Variants in CHLSN observed in about 807,000 individuals in gnomAD.
The protein encoded by CHLSN is protein cholesin.
the CHLSN span, among the ~76,000 whole-genome samples, chr7:979,312 G>C: frequency 6.6e-6 from 1 of 152,148 alleles, no homozygotes; most frequent in African/African-American, 2.4e-5. Flanking sequence ...ACCTGCTCAG[G>C]GGGTACCTTA....
chr7:1,137,731 C>T, the CHLSN span: 3 of 152,114 alleles, frequency 2.0e-5, no homozygotes, highest in Non-Finnish European at 4.4e-5. Flanking sequence ...CGGCTTGAGC[C>T]CAGGAGGTGG....
chr7:1,122,272 G>A, the CHLSN span, among the ~76,000 whole-genome samples: 298 of 152,334 alleles, frequency 2.0e-3, 1 homozygote, highest in African/African-American at 6.4e-3. Flanking sequence ...GGATTCTTAC[G>A]AGGCAGAGGA....
chr7:1,027,133 T>C, the CHLSN span: 1 of 152,234 alleles, frequency 6.6e-6, no homozygotes, highest in African/African-American at 2.4e-5. Flanking sequence ...TATCATCATG[T>C]CAATTTTGTT....
chr7:1,074,663 C>G, the CHLSN span: 3 of 152,300 alleles, frequency 2.0e-5, no homozygotes, highest in Admixed American at 6.5e-5. Flanking sequence ...CTGCAAATCC[C>G]TAAGGCGTCT....
chr7:985,386 A>C, the CHLSN span: 3 of 1,516,986 alleles, frequency 2.0e-6, no homozygotes, highest in East Asian at 4.9e-5. Context: ...GTGCAGCAGG[A>C]GGACGGGGGC....
chr7:1,041,046 G>A, the CHLSN span, among the ~76,000 whole-genome samples: 1 of 152,262 alleles, frequency 6.6e-6, no homozygotes, highest in East Asian at 1.9e-4. Flanking sequence ...CACGTTCCCT[G>A]TGGGAACAGC....
the CHLSN span, among the ~76,000 whole-genome samples, chr7:1,017,738 G>T: frequency 6.6e-6 from 1 of 152,222 alleles, no homozygotes; most frequent in African/African-American, 2.4e-5. Context: ...CGGGATAAGG[G>T]GCAGCCGCGG....
At chr7:1,118,799 C>CAAAAA in the CHLSN span, among the ~76,000 whole-genome samples, 336 of 76,154 alleles carry the variant, frequency 4.4e-3, no homozygotes, top group Non-Finnish European at 5.3e-3. Flanking sequence ...CCATCTCTAC[C>CAAAAA]AAAAAAAAAA....
the CHLSN span, among the ~76,000 whole-genome samples, chr7:998,786 T>A: frequency 1.3e-5 from 2 of 152,200 alleles, no homozygotes; most frequent in Non-Finnish European, 2.9e-5. Flanking sequence ...TCTCGACTTT[T>A]TCCTTTGTCG....
chr7:1,138,226 G>C, the CHLSN span: 1 of 152,370 alleles, frequency 6.6e-6, no homozygotes, highest in South Asian at 2.0e-4. Context: ...ACCTAAGCGT[G>C]AACAGCTGCG....
At chr7:1,011,888 T>C in the CHLSN span, among the ~76,000 whole-genome samples, 1 of 152,138 alleles carries the variant, frequency 6.6e-6, no homozygotes, top group Non-Finnish European at 1.5e-5. Context: ...TGGGAAGGCC[T>C]GGGCCGCCCA....
chr7:1,071,246 T>C, the CHLSN span, among the ~76,000 whole-genome samples: 1 of 152,206 alleles, frequency 6.6e-6, no homozygotes, highest in Non-Finnish European at 1.5e-5. Flanking sequence ...TCAGGTGCAA[T>C]GGCAAGAAAA....
the CHLSN span, among the ~76,000 whole-genome samples, chr7:1,127,591 TTCTG>T: frequency 2.9e-4 from 44 of 151,806 alleles, no homozygotes; most frequent in African/African-American, 8.5e-4. Flanking sequence ...TATATTTCCT[TTCTG>T]TCTTTTTTTT....
the CHLSN span, among the ~76,000 whole-genome samples, chr7:1,052,729 C>T: frequency 6.6e-5 from 10 of 152,108 alleles, no homozygotes; most frequent in East Asian, 1.9e-4. The surrounding 1 kb of genome is among the most constrained non-coding windows in gnomAD (Gnocchi z 4.2). Context: ...CCCCCGCCAC[C>T]GGGCAGGCAG....
chr7:1,136,682 T>TAA, the CHLSN span, among the ~76,000 whole-genome samples: 1 of 149,146 alleles, frequency 6.7e-6, no homozygotes, highest in Admixed American at 6.8e-5. Flanking sequence ...ACTATATATA[T>TAA]AACCATATAT....
chr7:1,037,703 G>C, the CHLSN span, among the ~76,000 whole-genome samples: 1 of 93,700 alleles, frequency 1.1e-5, no homozygotes, highest in East Asian at 2.6e-4. Context: ...CTGCCTGGCC[G>C]CCCATCGTCT....
the CHLSN span, among the ~76,000 whole-genome samples, chr7:1,062,709 G>A: frequency 1.3e-5 from 2 of 152,180 alleles, no homozygotes; most frequent in Admixed American, 6.5e-5. Flanking sequence ...CAAGGATTCC[G>A]GCAGAAGTGA....
the CHLSN span, among the ~76,000 whole-genome samples, chr7:1,007,798 A>T: frequency 6.6e-6 from 1 of 151,778 alleles, no homozygotes; most frequent in Non-Finnish European, 1.5e-5. Context: ...CCAGAGGGGG[A>T]GAGGAGGGTG....
chr7:1,054,218 C>G, the CHLSN span, among the ~76,000 whole-genome samples: 1 of 152,230 alleles, frequency 6.6e-6, no homozygotes, highest in African/African-American at 2.4e-5. Flanking sequence ...GGGGCCAACA[C>G]GCAAAGCGCG....
Sources: allele counts gnomAD v4.1 joint callset (sites outside exome capture counted in the v4.1 genomes callset), GRCh38; gene constraint gnomAD v4.1.1; non-coding constraint Gnocchi (gnomAD v3.1); transcripts MANE v1.5; gene names NCBI Gene and HGNC (gene_info 2026-07-23, HGNC 2026-07-21).